VPS13B: variants seen among roughly 807,000 people sequenced by gnomAD.
VPS13B encodes the protein vacuolar protein sorting 13 homolog B.
VPS13B carries 285 observed loss-of-function variants against 426.4 expected under a neutral mutation model. The observed-to-expected ratio is 0.67, with a 90% CI of 0.61 to 0.74. The LOEUF is 0.74. Among genes scored for constraint, VPS13B ranks in the 30% least tolerant of loss-of-function variants. The pLI, the probability that VPS13B is intolerant of heterozygous loss-of-function variation, is 0.00. For missense variants in VPS13B, 4,537 were observed against 4,782.6 expected (o/e 0.95, Z 1.51); for synonymous variants, 1,676 against 1,676.4 (o/e 1.00, Z 0.01).
chr8:99,194,491 T>C (rs776821496), intron 17 of VPS13B, among the ~76,000 whole-genome samples: 48 of 152,294 alleles, frequency 3.2e-4, no homozygotes, highest in Admixed American at 1.6e-3. Context: ...TTCTATGAGT[T>C]TGACTTTTTT....
intron 44 of VPS13B, among the ~76,000 whole-genome samples, chr8:99,811,378 T>G (rs1813691005): frequency 6.6e-6 from 1 of 152,190 alleles, no homozygotes; most frequent in South Asian, 2.1e-4. Context: ...GCTATTGTGT[T>G]TCCCCTTGGT....
intron 21 of VPS13B, among the ~76,000 whole-genome samples, chr8:99,412,995 A>T (rs1162196683): frequency 6.6e-6 from 1 of 152,162 alleles, no homozygotes; most frequent in African/African-American, 2.4e-5. Context: ...ATTGATGTTC[A>T]TCAGGGATAT....
chr8:99,270,791 G>T (rs1178094637), intron 17 of VPS13B, among the ~76,000 whole-genome samples: 1 of 152,078 alleles, frequency 6.6e-6, no homozygotes, highest in African/African-American at 2.4e-5. Flanking sequence ...AGGCTTGAGA[G>T]CCAGGGGAGG....
intron 19 of VPS13B, among the ~76,000 whole-genome samples, chr8:99,313,987 C>T (rs1336565156): frequency 1.3e-5 from 2 of 152,154 alleles, no homozygotes; most frequent in African/African-American, 4.8e-5. Flanking sequence ...ATATAATCTC[C>T]TTGTGTGCCA....
rs560461897 is a variant in VPS13B, at chr8:99,175,649, T to C, written c.2333+5486T>C. ...GCATGTGCCTATAGTCTCAGCTGTT[T>C]AGGAGGCTGAGGTGGGAGGATCACT... On this transcript the variant is annotated intron_variant, in intron 16 of 61. Coordinates refer to ENST00000357162, the MANE Select transcript of VPS13B (RefSeq NM_152564.5). Among the ~76,000 whole-genome samples, 72 of 152,146 alleles carry C rather than the reference T, an allele frequency of 4.7e-4. 1 individual carries two copies. The South Asian group carries it at 0.014, about 30-fold the overall frequency.
intron 34 of VPS13B, among the ~76,000 whole-genome samples, chr8:99,645,937 C>A (rs948149858): frequency 6.6e-6 from 1 of 152,016 alleles, no homozygotes; most frequent in Non-Finnish European, 1.5e-5. Flanking sequence ...AGATAGTAAC[C>A]TTAAGGATAA....
intron 34 of VPS13B, among the ~76,000 whole-genome samples, chr8:99,653,341 T>C (rs1400843447): frequency 6.6e-6 from 1 of 152,132 alleles, no homozygotes; most frequent in Non-Finnish European, 1.5e-5. Context: ...TTAAAACAAA[T>C]GAAAATGGGG....
intron 17 of VPS13B, among the ~76,000 whole-genome samples, chr8:99,213,972 T>G (rs913686697): frequency 6.6e-6 from 1 of 152,130 alleles, no homozygotes; most frequent in Non-Finnish European, 1.5e-5. Context: ...CCCATAAGTA[T>G]TACCAGACCA....
intron 19 of VPS13B, among the ~76,000 whole-genome samples, chr8:99,311,036 T>C (rs1416366236): frequency 6.6e-6 from 1 of 152,218 alleles, no homozygotes; most frequent in African/African-American, 2.4e-5. Flanking sequence ...TCATTTTTTA[T>C]TGTGTCTATT....
At chr8:99,530,999 T>C (rs1158247595) in intron 30 of VPS13B, among the ~76,000 whole-genome samples, 1 of 152,230 alleles carries the variant, frequency 6.6e-6, no homozygotes, top group Non-Finnish European at 1.5e-5. Context: ...AAACTTATTT[T>C]TGAAGTTTCA....
chr8:99,834,545 T>TA (rs1815269405), intron 52 of VPS13B, among the ~76,000 whole-genome samples: 1 of 146,392 alleles, frequency 6.8e-6, no homozygotes, highest in African/African-American at 2.5e-5. Flanking sequence ...TTTTATTTTT[T>TA]ATTTTTTTTG....
chr8:99,592,166 A>G (rs554969468), intron 33 of VPS13B, among the ~76,000 whole-genome samples: 2 of 151,946 alleles, frequency 1.3e-5, no homozygotes, highest in Non-Finnish European at 2.9e-5. Flanking sequence ...CAGCTCCATC[A>G]GGTCATTTAA....
At chr8:99,309,515 G>T (rs539819244) in intron 19 of VPS13B, among the ~76,000 whole-genome samples, 8 of 152,112 alleles carry the variant, frequency 5.3e-5, no homozygotes, top group African/African-American at 1.9e-4. Flanking sequence ...TATTTCTGAG[G>T]GCTCTGTTCT....
intron 36 of VPS13B, among the ~76,000 whole-genome samples, chr8:99,707,024 A>C (rs1317376307): frequency 6.6e-6 from 1 of 151,984 alleles, no homozygotes; most frequent in East Asian, 1.9e-4. Flanking sequence ...ATGTTCTTTT[A>C]CTCCCTGGTT....
intron 61 of VPS13B, among the ~76,000 whole-genome samples, chr8:99,872,096 A>T (rs1817449094): frequency 6.6e-6 from 1 of 152,160 alleles, no homozygotes; most frequent in Non-Finnish European, 1.5e-5. Flanking sequence ...AATTCCACGC[A>T]ACTGCTCCAC....
intron 35 of VPS13B, among the ~76,000 whole-genome samples, chr8:99,693,806 C>G (rs1204223330): frequency 4.0e-5 from 6 of 150,514 alleles, no homozygotes; most frequent in Non-Finnish European, 7.4e-5. Flanking sequence ...CCCATCGTCT[C>G]AGCCCCAAAT....
chr8:99,344,477 A>C (rs1811426229), intron 19 of VPS13B, among the ~76,000 whole-genome samples: 1 of 152,064 alleles, frequency 6.6e-6, no homozygotes, highest in African/African-American at 2.4e-5. Context: ...TAGGGTAGGT[A>C]TGTCTTTTAC....
chr8:99,608,761 T>C (rs1827713104), intron 33 of VPS13B, among the ~76,000 whole-genome samples: 1 of 152,198 alleles, frequency 6.6e-6, no homozygotes, highest in African/African-American at 2.4e-5. Context: ...ATGTGGTCCT[T>C]TGTGGCTGGC....
chr8:99,548,504 CCCCATAA>C (rs1159852556), intron 30 of VPS13B, among the ~76,000 whole-genome samples: 15 of 151,788 alleles, frequency 9.9e-5, no homozygotes, highest in African/African-American at 3.1e-4. Flanking sequence ...AGTTAATGTA[CCCCATAA>C]ATTTATACAT....
Sources: gnomAD v4.1 joint callset for allele counts (sites outside exome capture counted in the v4.1 genomes callset) on GRCh38, gnomAD v4.1.1 for gene constraint, MANE v1.5 for transcripts, NCBI Gene and HGNC (gene_info 2026-07-23, HGNC 2026-07-21) for gene names.